RNF17: variants seen among roughly 807,000 people sequenced by gnomAD.
The protein encoded by RNF17 is ring finger protein 17.
A neutral mutation model predicts 200.5 loss-of-function variants in RNF17; 31 were observed. The ratio of observed to expected loss-of-function variants is 0.15; its 90% CI spans 0.12 to 0.21. The LOEUF is 0.21. Ranked by LOEUF, RNF17 falls within the 10% of genes least tolerant of loss-of-function variation. RNF17 has a pLI of 1.00. For missense variants in RNF17, 1,628 were observed against 1,905.1 expected (o/e 0.85, Z 2.71); for synonymous variants, 606 against 637.8 (o/e 0.95, Z 0.75).
chr13:24,862,773 C>A lies in RNF17; in HGVS notation c.3955C>A (p.Gln1319Lys). 6.3e-7 allele frequency: 1 copy of A among 1,598,820 alleles called. No individual in the cohort carries two copies. The highest frequency in any genetic ancestry group is 8.6e-7 in the Non-Finnish European group (1 of 1,166,314). ...EVLQQLLSKRQVDIHIMELPK... is the reference protein window; with the variant it reads ...EVLQQLLSKRKVDIHIMELPK... The stretch of plus-strand genomic sequence containing the variant: ...TCTTCAACAACTGCTTTCAAAGAGA[C>A]AGGTGGACATTCACATTATGGTAAT... The change falls in exon 28 of 36, where the codon CAG becomes AAG. Residue 1319 changes from glutamine (Q) to lysine (K), a missense_variant. By Grantham distance (53) the Gln-to-Lys change is moderately conservative. This residue lies in a region of RNF17 where 609 missense variants were observed against 681.9 expected (regional missense o/e 0.89). Transcript: ENST00000255324.
chr13:24,786,502 T>G (rs1423777340), intron 6 of RNF17, among the ~76,000 whole-genome samples: 1 of 152,238 alleles, frequency 6.6e-6, no homozygotes, highest in African/African-American at 2.4e-5. Context: ...GATATTTTTA[T>G]CATTGTATGG....
chr13:24,748,409 C>T, the RNF17 span, among the ~76,000 whole-genome samples: 1 of 152,230 alleles, frequency 6.6e-6, no homozygotes, highest in Non-Finnish European at 1.5e-5. Flanking sequence ...AGTATGTTAG[C>T]TGTAACTGCC....
chr13:24,788,618 AATTCC>A (rs1883434553), intron 7 of RNF17, among the ~76,000 whole-genome samples: 1 of 152,140 alleles, frequency 6.6e-6, no homozygotes, highest in Non-Finnish European at 1.5e-5. Flanking sequence ...TTTCTCTTCC[AATTCC>A]ATTCCAAATT....
In RNF17 at chr13:24,877,131, C is replaced by T; in HGVS notation, c.4718C>T (p.Ala1573Val). The T allele has an allele frequency of 1.2e-6, 2 of 1,613,596 alleles. No individual in the cohort carries two copies. The highest frequency in any genetic ancestry group is 8.5e-7 in the Non-Finnish European group (1 of 1,179,772). ...TATTGTCCCAAATGGAGCATGGAGG[C>T]ACTGTGGGCTATGATAGACTGTCTT... Reference protein sequence around the residue: ...IPYCPKWSMEALWAMIDCLQG... With the variant: ...IPYCPKWSMEVLWAMIDCLQG... Residue 1573 changes from alanine (A) to valine (V), a missense_variant, in exon 34 of 36, where the codon GCA becomes GTA. Ala to Val is a moderately conservative substitution (Grantham distance 64). Transcript: ENST00000255324.
rs759834025 is a variant in RNF17 at position 24,774,904 on chromosome 13, C to T, written c.317C>T (p.Thr106Met). 18 of 1,565,264 alleles carry T rather than the reference C, an allele frequency of 1.1e-5. No individual in the cohort carries two copies. The highest frequency in any genetic ancestry group is 4.5e-5 in the South Asian group (4 of 89,578). The part of the protein sequence containing the change: ...DSIMEKLQPK[T>M]IKNCSQDFKK... ...ATAATGGAAAAACTGCAGCCTAAGA[C>T]GTATGTTCCATGTGTACTTATTTGA... Residue 106 changes from threonine (T) to methionine (M), a missense_variant and splice_region_variant, in exon 3 of 36, where the codon ACG (threonine) becomes ATG (methionine). This residue lies in a region of RNF17 where 502 missense variants were observed against 501.7 expected (regional missense o/e 1.00). Transcript: ENST00000255324.
In RNF17 at chr13:24,793,047, A is replaced by T. The variant is rs766815165; in HGVS notation, c.941A>T (p.Tyr314Phe). The change falls in exon 10 of 36, where the codon TAT (tyrosine) becomes TTT (phenylalanine). Residue 314 changes from tyrosine (Y) to phenylalanine (F), a missense_variant. Around this residue, in one of 5 missense-constraint regions of RNF17, gnomAD observed 502 missense variants for 501.7 expected, o/e 1.00. Coordinates refer to ENST00000255324, the MANE Select transcript of RNF17 (RefSeq NM_031277.3). ...ATCTCTGTATTTTTAAACAGATGTT[A>T]TCCCCAAGAAAATGAAATTAGACAG... ...KIEFRDSTKC[Y>F]PQENEIRQNV... The T allele has an allele frequency of 5.1e-6, 8 of 1,562,590 alleles. No individual in the cohort carries two copies. The Admixed American group carries it at 5.6e-5, about 11-fold the overall frequency.
chr13:24,818,477 A>G (rs144251520), intron 15 of RNF17, among the ~76,000 whole-genome samples: 11 of 152,288 alleles, frequency 7.2e-5, no homozygotes, highest in African/African-American at 2.6e-4. Flanking sequence ...TGAAAGTGGA[A>G]TATTAAAGCC....
intron 22 of RNF17, among the ~76,000 whole-genome samples, chr13:24,850,048 G>T (rs190689447): frequency 1.3e-5 from 2 of 151,966 alleles, no homozygotes; most frequent in Non-Finnish European, 2.9e-5. Flanking sequence ...GACTTAAAAA[G>T]TATTTAAAAT....
the RNF17 span, among the ~76,000 whole-genome samples, chr13:24,755,925 T>C: frequency 6.6e-6 from 1 of 152,214 alleles, no homozygotes; most frequent in Non-Finnish European, 1.5e-5. Flanking sequence ...AAGTCATTCC[T>C]AGTTAAAATA....
Position 24,799,588 on chromosome 13 carries a change from T to C in RNF17, c.1589+4T>C, listed in dbSNP as rs1190717867. ...CTGAAGTCCTGATTGTCACTGGGTA[T>C]GATATTTTATAATATGTATCCTTGG... On this transcript the variant is annotated splice_donor_region_variant and intron_variant, in intron 12 of 35. Transcript: ENST00000255324. 2 of 1,565,106 alleles carry C rather than the reference T, an allele frequency of 1.3e-6. No homozygotes were observed. Among genetic ancestry groups the C allele is most frequent in the Non-Finnish European group, 1.8e-6 (2 of 1,140,912 alleles).
At chr13:24,878,456 A>G (rs951541512) in intron 34 of RNF17, among the ~76,000 whole-genome samples, 1 of 152,228 alleles carries the variant, frequency 6.6e-6, no homozygotes, top group Non-Finnish European at 1.5e-5. Context: ...GTGAAGTCCT[A>G]TGATAGCTGT....
At chr13:24,818,073 G>T (rs1887607032) in intron 15 of RNF17, among the ~76,000 whole-genome samples, 1 of 151,972 alleles carries the variant, frequency 6.6e-6, no homozygotes, top group Admixed American at 6.6e-5. Context: ...CATGAGTTTG[G>T]TATGTTTTGT....
intron 25 of RNF17, among the ~76,000 whole-genome samples, chr13:24,858,138 G>A (rs184511304): frequency 6.6e-6 from 1 of 152,172 alleles, no homozygotes; most frequent in Non-Finnish European, 1.5e-5. Context: ...CTATGGATAA[G>A]GGTATGGTAG....
At chr13:24,776,527 T>C (rs997740804) in intron 3 of RNF17, among the ~76,000 whole-genome samples, 5 of 152,204 alleles carry the variant, frequency 3.3e-5, no homozygotes, top group Admixed American at 2.0e-4. Context: ...CCAACTCCTA[T>C]ACCACTGGTC....
rs1419807194 is a variant in RNF17, at chr13:24,793,029, T to A, written c.936-13T>A. The A allele has an allele frequency of 1.3e-6, 2 of 1,511,354 alleles. No homozygotes were observed. Among genetic ancestry groups the A allele is most frequent in the South Asian group, 2.5e-5 (2 of 79,988 alleles). The allele number at this position is 1,511,354 out of a possible 1,614,324, so 93.6% of individuals were successfully genotyped here. On this transcript the variant is annotated splice_polypyrimidine_tract_variant and intron_variant, in intron 9 of 35. Transcript: ENST00000255324. ...TCTGTATTCATAGCTTATATCTCTG[T>A]ATTTTTAAACAGATGTTATCCCCAA...
At position 24,800,525 on chromosome 13, in the gene RNF17, A is replaced by T; in HGVS notation, c.1749A>T (p.Pro583=). The change falls in exon 13 of 36, where the codon CCA becomes CCT. Residue 583 remains proline (P), a synonymous_variant. Transcript: ENST00000255324. Reference sequence around the variant, plus strand: ...CATGCTCATTGAAAGACATTGTTCCACAGAATTCAGTAAGTGAGACTTTAA... The same window carrying T: ...CATGCTCATTGAAAGACATTGTTCCTCAGAATTCAGTAAGTGAGACTTTAA... ...AQPCSLKDIV[P]QNSNEGWEEE... is the part of the protein sequence containing the mutation. The T allele has an allele frequency of 6.2e-7, 1 of 1,611,770 alleles. No homozygotes were observed. The highest frequency in any genetic ancestry group is 8.5e-7 in the Non-Finnish European group (1 of 1,179,068).
intron 24 of RNF17, among the ~76,000 whole-genome samples, 200 bp from the exon 25 acceptor site, chr13:24,853,651 TTTAC>T (rs1370706149): frequency 2.6e-5 from 4 of 152,200 alleles, no homozygotes; most frequent in Non-Finnish European, 5.9e-5. Flanking sequence ...ATTTAAAACA[TTTAC>T]TTAAATTTTT....
At chr13:24,818,365 C>G (rs769568503) in intron 15 of RNF17, among the ~76,000 whole-genome samples, 4 of 152,034 alleles carry the variant, frequency 2.6e-5, no homozygotes, top group Non-Finnish European at 5.9e-5. Context: ...TTACTATTGG[C>G]TAGAGTGTTT....
intron 16 of RNF17, 96 bp from the exon 17 acceptor site, chr13:24,830,388 A>C (rs1043408436): frequency 1.4e-6 from 1 of 693,344 alleles, no homozygotes; most frequent in Non-Finnish European, 2.5e-6. Context: ...TATTGAAGCT[A>C]AAAGTATTCT....
Sources: gnomAD v4.1 joint callset for allele counts (sites outside exome capture counted in the v4.1 genomes callset) on GRCh38, gnomAD v4.1.1 for gene constraint, gnomAD v4.1.1 regional missense constraint, MANE v1.5 for transcripts, NCBI Gene and HGNC (gene_info 2026-07-23, HGNC 2026-07-21) for gene names.